ERBB4: variants seen among roughly 807,000 people sequenced by gnomAD.
ERBB4 encodes receptor tyrosine-protein kinase erbB-4.
In ERBB4, 42 loss-of-function variants were observed where a neutral mutation model predicts 158.0. The ratio of observed to expected loss-of-function variants is 0.27; its 90% CI spans 0.21 to 0.34. ERBB4 has a LOEUF of 0.34. ERBB4 is among the 10% of genes least tolerant of loss of function. ERBB4 has a pLI of 1.00. For missense variants in ERBB4, 1,333 were observed against 1,624.1 expected (o/e 0.82, Z 3.08); for synonymous variants, 583 against 558.7 (o/e 1.04, Z -0.61).
chr2:212,448,654 T>C (rs186911181), intron 1 of ERBB4, among the ~76,000 whole-genome samples: 1 of 152,268 alleles, frequency 6.6e-6, no homozygotes, highest in East Asian at 1.9e-4. Context: ...GGAGATTCTA[T>C]ACTGCATCCT....
chr2:211,413,437 T>C (rs896126717), intron 25 of ERBB4, among the ~76,000 whole-genome samples: 4 of 150,908 alleles, frequency 2.7e-5, no homozygotes, highest in Non-Finnish European at 4.4e-5. Context: ...TTCTTTTGTC[T>C]TAATAAAAAC....
chr2:211,695,740 G>T (rs139948775), intron 12 of ERBB4, among the ~76,000 whole-genome samples: 1 of 151,606 alleles, frequency 6.6e-6, no homozygotes, highest in Non-Finnish European at 1.5e-5. Context: ...TTTCTTCTGC[G>T]TAAAAAAGAA....
At chr2:212,326,710 C>T (rs1211349743) in intron 1 of ERBB4, among the ~76,000 whole-genome samples, 1 of 150,818 alleles carries the variant, frequency 6.6e-6, no homozygotes, top group Non-Finnish European at 1.5e-5. Context: ...AAGTTGCAGA[C>T]ATGTTCACGA....
intron 1 of ERBB4, among the ~76,000 whole-genome samples, chr2:212,346,977 G>T (rs898050714): frequency 1.3e-5 from 2 of 152,028 alleles, no homozygotes; most frequent in Non-Finnish European, 2.9e-5. Context: ...AAACCATGTG[G>T]TTTCTGATAT....
At chr2:212,442,850 T>C (rs2092282436) in intron 1 of ERBB4, among the ~76,000 whole-genome samples, 1 of 152,158 alleles carries the variant, frequency 6.6e-6, no homozygotes. Context: ...ACTGCAGAGA[T>C]TAGCGCCACC....
chr2:212,534,414 G>A (rs1195475936), intron 1 of ERBB4, among the ~76,000 whole-genome samples: 4 of 152,194 alleles, frequency 2.6e-5, no homozygotes, highest in African/African-American at 9.7e-5. Flanking sequence ...GGACTTCTCT[G>A]TGGAAAGGTT....
At chr2:211,862,830 T>C (rs2078097872) in intron 3 of ERBB4, among the ~76,000 whole-genome samples, 1 of 152,238 alleles carries the variant, frequency 6.6e-6, no homozygotes, top group African/African-American at 2.4e-5. Context: ...TGAAGCCAGT[T>C]GGACTTCCTG....
intron 19 of ERBB4, among the ~76,000 whole-genome samples, chr2:211,585,075 G>A (rs992422630): frequency 5.3e-5 from 8 of 151,816 alleles, no homozygotes; most frequent in African/African-American, 1.9e-4. Flanking sequence ...TAGGCTGGCC[G>A]GGCGCAGTGG....
intron 3 of ERBB4, among the ~76,000 whole-genome samples, chr2:211,932,579 G>C (rs992674581): frequency 1.3e-5 from 2 of 151,884 alleles, no homozygotes; most frequent in Non-Finnish European, 2.9e-5. Flanking sequence ...TGAGGGGGGA[G>C]TGTCCATCAT....
At chr2:212,475,301 CAAG>C (rs746020095) in intron 1 of ERBB4, among the ~76,000 whole-genome samples, 1 of 152,146 alleles carries the variant, frequency 6.6e-6, no homozygotes, top group Non-Finnish European at 1.5e-5. Context: ...CACTTCTTAA[CAAG>C]AAGCTCTGCA....
At chr2:212,122,443 T>C (rs1458534244) in intron 2 of ERBB4, among the ~76,000 whole-genome samples, 1 of 152,110 alleles carries the variant, frequency 6.6e-6, no homozygotes, top group East Asian at 1.9e-4. Flanking sequence ...TATCTTTAAA[T>C]ACATATATTA....
chr2:211,419,332 T>A (rs2063462736), intron 25 of ERBB4, among the ~76,000 whole-genome samples: 1 of 152,084 alleles, frequency 6.6e-6, no homozygotes, highest in Non-Finnish European at 1.5e-5. Flanking sequence ...ATGTGTTGAA[T>A]AGTAAACACC....
intron 1 of ERBB4, among the ~76,000 whole-genome samples, chr2:212,447,774 T>TTTTGTG (rs1553641581): frequency 3.2e-4 from 47 of 147,208 alleles, no homozygotes; most frequent in Middle Eastern, 3.5e-3. Context: ...TCATAAAAGA[T>TTTTGTG]TGTGTGTGTG....
At chr2:211,513,026 G>A (rs963212469) in intron 20 of ERBB4, among the ~76,000 whole-genome samples, 1 of 152,046 alleles carries the variant, frequency 6.6e-6, no homozygotes, top group Admixed American at 6.5e-5. Flanking sequence ...GAGCAGAGCT[G>A]ATTGCCTATG....
chr2:212,084,656 GCT>G (rs1655336183), intron 2 of ERBB4, among the ~76,000 whole-genome samples: 1 of 151,892 alleles, frequency 6.6e-6, no homozygotes, highest in Non-Finnish European at 1.5e-5. Flanking sequence ...TTGAATCTTG[GCT>G]CTGTCACTTA....
chr2:212,518,846 A>AGT (rs978286419), intron 1 of ERBB4, among the ~76,000 whole-genome samples: 3 of 152,122 alleles, frequency 2.0e-5, no homozygotes, highest in Admixed American at 2.0e-4. Flanking sequence ...CCAGGGAGAA[A>AGT]GTAGGGCAGG....
chr2:212,364,416 G>T (rs1391542284), intron 1 of ERBB4, among the ~76,000 whole-genome samples: 1 of 151,550 alleles, frequency 6.6e-6, no homozygotes, highest in East Asian at 1.9e-4. Context: ...TGCAGAGTAG[G>T]GAAGCCAGGG....
chr2:212,315,591 G>A (rs1168355854), intron 1 of ERBB4, among the ~76,000 whole-genome samples: 1 of 151,428 alleles, frequency 6.6e-6, no homozygotes, highest in African/African-American at 2.4e-5. Flanking sequence ...TCCTATTACA[G>A]TTATAGTTTC....
intron 20 of ERBB4, among the ~76,000 whole-genome samples, chr2:211,529,989 A>T (rs943197138): frequency 6.6e-6 from 1 of 152,088 alleles, no homozygotes; most frequent in Non-Finnish European, 1.5e-5. Context: ...ATAAAAGTGG[A>T]TATCTGAATA....
Sources: gnomAD v4.1 joint callset for allele counts (sites outside exome capture counted in the v4.1 genomes callset) on GRCh38, gnomAD v4.1.1 for gene constraint, MANE v1.5 for transcripts, NCBI Gene and HGNC (gene_info 2026-07-23, HGNC 2026-07-21) for gene names.